TMEM135: variants seen among roughly 807,000 people sequenced by gnomAD.
TMEM135 encodes peroxisomal membrane protein 52.
TMEM135 carries 30 observed loss-of-function variants against 60.3 expected under a neutral mutation model. The ratio of observed to expected loss-of-function variants is 0.50; its 90% confidence interval spans 0.37 to 0.68. TMEM135 has a LOEUF of 0.68. Among genes scored for constraint, TMEM135 ranks in the 30% least tolerant of loss-of-function variants. The pLI is 0.00. For missense variants in TMEM135, 468 were observed against 548.8 expected (o/e 0.85, Z 1.47); for synonymous variants, 190 against 186.7 (o/e 1.02, Z -0.14).
chr11:87,326,044 ACTT>A lies in TMEM135; in HGVS notation c.*4715_*4717del, dbSNP rs1232306492. The A allele has an allele frequency of 1.3e-5, 6 of 453,390 alleles. No individual in the cohort carries two copies. The Admixed American group carries it at 1.4e-4, about 11-fold the overall frequency. 28.1% of individuals were successfully genotyped at this position (453,390 alleles called of 1,614,324 possible). On this transcript the variant is annotated 3_prime_UTR_variant, in exon 15 of 15. Coordinates refer to ENST00000305494, the MANE Select transcript of TMEM135 (RefSeq NM_022918.4). ...GACATCAGGGCCAAGAGCAGTTTATACTTCTTTCTTTAGCTCACAAACTACTAT... is the reference window on the plus strand; with the variant it reads ...GACATCAGGGCCAAGAGCAGTTTATACTTTCTTTAGCTCACAAACTACTAT...
intron 5 of TMEM135, among the ~76,000 whole-genome samples, chr11:87,181,712 AAACTTATAAAGT>A (rs1939519675): frequency 6.6e-6 from 1 of 152,218 alleles, no homozygotes; most frequent in Admixed American, 6.5e-5. Context: ...TTATAGGTTA[AAACTTATAAAGT>A]AAATTTTATT....
At chr11:87,058,899 C>T (rs1018725436) in intron 1 of TMEM135, among the ~76,000 whole-genome samples, 1 of 151,982 alleles carries the variant, frequency 6.6e-6, no homozygotes, top group Non-Finnish European at 1.5e-5. Context: ...GGATTACAGG[C>T]ATGAGAACAA....
At chr11:87,060,711 C>T (rs755313960) in intron 1 of TMEM135, among the ~76,000 whole-genome samples, 29 of 150,626 alleles carry the variant, frequency 1.9e-4, no homozygotes, top group Non-Finnish European at 4.0e-4. Flanking sequence ...GGCGTGATCT[C>T]GGCTCACTGC....
At chr11:87,199,556 G>T (rs1940046989) in intron 5 of TMEM135, among the ~76,000 whole-genome samples, 1 of 152,188 alleles carries the variant, frequency 6.6e-6, no homozygotes, top group Non-Finnish European at 1.5e-5. Context: ...AGGGGATGAG[G>T]TAGATACATA....
intron 5 of TMEM135, among the ~76,000 whole-genome samples, chr11:87,161,232 A>T (rs1166254463): frequency 6.6e-6 from 1 of 152,070 alleles, no homozygotes; most frequent in Non-Finnish European, 1.5e-5. Flanking sequence ...TCCCTATTTG[A>T]GGGGCTAACT....
chr11:87,237,778 C>A (rs1055287117), intron 6 of TMEM135, among the ~76,000 whole-genome samples: 4 of 151,756 alleles, frequency 2.6e-5, no homozygotes, highest in African/African-American at 4.8e-5. Context: ...TCTTTCTTTT[C>A]CTGTACCCGT....
chr11:87,113,638 A>G (rs1310194473), intron 4 of TMEM135, among the ~76,000 whole-genome samples: 1 of 152,024 alleles, frequency 6.6e-6, no homozygotes, highest in Non-Finnish European at 1.5e-5. Context: ...ACAGACCTAA[A>G]TTTTGGTATC....
chr11:87,135,116 T>C (rs1188405765), intron 4 of TMEM135, among the ~76,000 whole-genome samples: 1 of 152,172 alleles, frequency 6.6e-6, no homozygotes, highest in African/African-American at 2.4e-5. Flanking sequence ...TGAGAGCTCT[T>C]TATATATTCT....
In TMEM135 at chr11:87,092,485, C is replaced by T. The variant is rs79998728; in HGVS notation, c.396+1090C>T. On this transcript the variant is annotated intron_variant, in intron 4 of 14. Coordinates refer to ENST00000305494, the MANE Select transcript of TMEM135 (RefSeq NM_022918.4). ...TCATTTCAGAGTGTTCATGGACCAC[C>T]AATTAAGAAAGCCTAGGGTATGCCA... is the stretch of plus-strand genomic sequence containing the variant. Among the ~76,000 whole-genome samples, 299 of 152,140 alleles carry T rather than the reference C, an allele frequency of 2.0e-3. 1 individual carries two copies. Among genetic ancestry groups the T allele is most frequent in the African/African-American group, 7.0e-3 (291 of 41,512 alleles).
At chr11:87,057,816 T>TG (rs35104865) in intron 1 of TMEM135, among the ~76,000 whole-genome samples, 46,365 of 150,128 alleles carry the variant, frequency 0.31, 8,594 homozygotes, top group East Asian at 0.56. Context: ...TGTGTGTGTG[T>TG]TTGTGTGTGT....
chr11:87,133,417 T>C (rs912083212), intron 4 of TMEM135, among the ~76,000 whole-genome samples: 1 of 152,198 alleles, frequency 6.6e-6, no homozygotes, highest in Non-Finnish European at 1.5e-5. Flanking sequence ...ACATACCTCA[T>C]GGATGCCTTC....
chr11:87,119,345 A>T (rs986499737), intron 4 of TMEM135, among the ~76,000 whole-genome samples: 1 of 152,182 alleles, frequency 6.6e-6, no homozygotes, highest in Non-Finnish European at 1.5e-5. Flanking sequence ...ACATTTATCT[A>T]TTAAGTTTGC....
intron 9 of TMEM135, among the ~76,000 whole-genome samples, chr11:87,308,133 A>G (rs1176035628): frequency 1.3e-5 from 2 of 152,174 alleles, no homozygotes; most frequent in African/African-American, 2.4e-5. Flanking sequence ...AGTAATGAGC[A>G]TGAAAGCTCC....
intron 5 of TMEM135, among the ~76,000 whole-genome samples, chr11:87,197,175 T>A (rs940795265): frequency 1.3e-5 from 2 of 152,126 alleles, no homozygotes; most frequent in Non-Finnish European, 2.9e-5. Flanking sequence ...AAATATTTTC[T>A]AAGGCTAAGA....
chr11:87,234,520 T>G (rs1173516071), intron 5 of TMEM135, among the ~76,000 whole-genome samples: 1 of 152,074 alleles, frequency 6.6e-6, no homozygotes, highest in African/African-American at 2.4e-5. Context: ...ATAATTTCTT[T>G]CCAGATTTAT....
intron 4 of TMEM135, among the ~76,000 whole-genome samples, chr11:87,097,881 A>T (rs528861792): frequency 2.0e-5 from 3 of 152,228 alleles, no homozygotes; most frequent in African/African-American, 7.2e-5. Context: ...CCTTCATGTA[A>T]CTTATACCCC....
At chr11:87,104,316 A>G (rs546586164) in intron 4 of TMEM135, among the ~76,000 whole-genome samples, 2 of 152,298 alleles carry the variant, frequency 1.3e-5, no homozygotes, top group African/African-American at 4.8e-5. Context: ...TGACAGTACA[A>G]TGCTGTTTTG....
Position 87,322,912 on chromosome 11 carries a change from T to G in TMEM135, c.*1579T>G. The G allele has an allele frequency of 2.2e-6, 1 of 454,420 alleles. No homozygotes were observed. The highest frequency in any genetic ancestry group is 4.4e-6 in the Non-Finnish European group (1 of 226,726). The allele number at this position is 454,420 out of a possible 1,614,324, so 28.1% of individuals were successfully genotyped here. ...AATGCTGTTAAAGGATCATTTCGGT[T>G]TCAGACTTCAAAGTTGATTAATAAA... is the stretch of plus-strand genomic sequence containing the variant. On this transcript the variant is annotated 3_prime_UTR_variant, in exon 15 of 15. Coordinates refer to ENST00000305494, the MANE Select transcript of TMEM135 (RefSeq NM_022918.4).
intron 5 of TMEM135, among the ~76,000 whole-genome samples, chr11:87,213,743 C>T (rs1940431663): frequency 6.6e-6 from 1 of 152,006 alleles, no homozygotes; most frequent in South Asian, 2.1e-4. Context: ...TCAGTTAATT[C>T]TTATACAGTG....
Sources: gnomAD v4.1 joint callset for allele counts (sites outside exome capture counted in the v4.1 genomes callset) on GRCh38, gnomAD v4.1.1 for gene constraint, MANE v1.5 for transcripts, NCBI Gene and HGNC (gene_info 2026-07-23, HGNC 2026-07-21) for gene names.